XKR4: variants seen among roughly 807,000 people sequenced by gnomAD.
XKR4 encodes the protein XK-related protein 4.
A neutral mutation model predicts 53.9 loss-of-function variants in XKR4; 12 were observed. The ratio of observed to expected loss-of-function variants is 0.22; its 90% CI spans 0.14 to 0.36. The LOEUF is 0.36. Ranked by LOEUF, XKR4 falls within the 10% of genes least tolerant of loss-of-function variation. The pLI, the probability that XKR4 is intolerant of heterozygous loss-of-function variation, is 1.00. For missense variants in XKR4, 799 were observed against 859.5 expected (o/e 0.93, Z 0.88); for synonymous variants, 354 against 362.4 (o/e 0.98, Z 0.26).
chr8:55,303,129 G>T (rs997280168), intron 1 of XKR4, among the ~76,000 whole-genome samples: 8 of 152,158 alleles, frequency 5.3e-5, no homozygotes, highest in African/African-American at 1.9e-4. Context: ...TATTGGCTGT[G>T]GGTTTGTCAT....
intron 2 of XKR4, among the ~76,000 whole-genome samples, chr8:55,369,397 G>T (rs188743738): frequency 1.6e-5 from 1 of 60,922 alleles, no homozygotes; most frequent in Non-Finnish European, 3.3e-5. Context: ...GAGGGGAGGG[G>T]AGGGGAGGGA....
chr8:55,482,157 C>G (rs1488922575), intron 2 of XKR4, among the ~76,000 whole-genome samples: 2 of 152,164 alleles, frequency 1.3e-5, no homozygotes, highest in South Asian at 4.2e-4. Context: ...AAATGTCCAA[C>G]AATGATAGAC....
At chr8:55,334,132 G>A (rs1803419594) in intron 1 of XKR4, among the ~76,000 whole-genome samples, 1 of 152,148 alleles carries the variant, frequency 6.6e-6, no homozygotes, top group Non-Finnish European at 1.5e-5. Flanking sequence ...ACAAACCTAA[G>A]TTATAAACAT....
intron 1 of XKR4, among the ~76,000 whole-genome samples, chr8:55,127,955 C>A (rs1417927560): frequency 6.6e-6 from 1 of 152,002 alleles, no homozygotes; most frequent in African/African-American, 2.4e-5. Flanking sequence ...GTATATGTGC[C>A]ACATTTTCTT....
intron 2 of XKR4, among the ~76,000 whole-genome samples, chr8:55,468,013 T>C (rs1235214089): frequency 2.6e-5 from 4 of 152,156 alleles, no homozygotes; most frequent in Non-Finnish European, 5.9e-5. Flanking sequence ...GGTTTCTTTT[T>C]TATGCTTTAA....
chr8:55,479,074 C>T (rs1179938442), intron 2 of XKR4, among the ~76,000 whole-genome samples: 7 of 152,198 alleles, frequency 4.6e-5, no homozygotes, highest in South Asian at 2.1e-4. Context: ...CAGAACTCTC[C>T]ACCCCAAATC....
intron 1 of XKR4, among the ~76,000 whole-genome samples, chr8:55,204,666 A>G (rs909531230): frequency 1.3e-5 from 2 of 152,256 alleles, no homozygotes; most frequent in African/African-American, 4.8e-5. Context: ...TACAGAGAGT[A>G]GAGAAAGATT....
chr8:55,164,138 C>A (rs1181309030), intron 1 of XKR4: 1 of 455,270 alleles, frequency 2.2e-6, no homozygotes, highest in African/African-American at 2.0e-5. Context: ...CAGACCAGCC[C>A]TACAGGAGTT....
At chr8:55,158,061 A>T (rs1291894203) in intron 1 of XKR4, among the ~76,000 whole-genome samples, 3 of 152,132 alleles carry the variant, frequency 2.0e-5, no homozygotes, top group Admixed American at 6.5e-5. Context: ...TTGAATGGTA[A>T]TTCTGTTTTA....
intron 1 of XKR4, among the ~76,000 whole-genome samples, chr8:55,327,442 A>C (rs144385116): frequency 1.3e-5 from 2 of 152,120 alleles, no homozygotes; most frequent in Admixed American, 1.3e-4. Flanking sequence ...CATAAAGTAC[A>C]CAAACTACTC....
At chr8:55,452,708 G>A (rs1805473070) in intron 2 of XKR4, 1 of 1,152,866 alleles carries the variant, frequency 8.7e-7, no homozygotes, top group Non-Finnish European at 1.3e-6. Context: ...TGATGAAGTG[G>A]ACCACAGCCC....
intron 1 of XKR4, among the ~76,000 whole-genome samples, chr8:55,185,384 C>G (rs1160854536): frequency 6.6e-6 from 1 of 152,178 alleles, no homozygotes; most frequent in African/African-American, 2.4e-5. Context: ...CTTCTTTACA[C>G]TACTGATGTG....
chr8:55,328,381 A>G (rs747852810), intron 1 of XKR4, among the ~76,000 whole-genome samples: 75 of 152,198 alleles, frequency 4.9e-4, no homozygotes, highest in Non-Finnish European at 8.8e-5. Flanking sequence ...CAGTGTCCCA[A>G]ACATGAGATA....
intron 2 of XKR4, among the ~76,000 whole-genome samples, chr8:55,432,855 G>A (rs914078560): frequency 1.6e-4 from 25 of 151,964 alleles, no homozygotes; most frequent in African/African-American, 5.6e-4. Context: ...GGAAAGGAAA[G>A]GAAGATCATG....
intron 1 of XKR4, among the ~76,000 whole-genome samples, chr8:55,168,716 CT>C (rs1817105615): frequency 6.6e-6 from 1 of 152,196 alleles, no homozygotes; most frequent in Middle Eastern, 3.2e-3. Flanking sequence ...CATCCTTATA[CT>C]TTTAGAGATG....
chr8:55,337,318 G>A lies in XKR4; in HGVS notation c.807-20360G>A, dbSNP rs191986939. 3.9e-5 allele frequency among the ~76,000 whole-genome samples: 6 copies of A among 152,240 alleles called. No individual in the cohort carries two copies. In the East Asian group the frequency reaches 1.2e-3, roughly 29 times the overall value. On this transcript the variant is annotated intron_variant, in intron 1 of 2. Coordinates refer to ENST00000327381, the MANE Select transcript of XKR4 (RefSeq NM_052898.2). ...AGAGTGCCCCATTAATCAAGTCATG[G>A]GGTTTTGTTTGTTTGTTTTGCTCAC...
intron 1 of XKR4, among the ~76,000 whole-genome samples, chr8:55,252,174 A>G (rs939196280): frequency 6.6e-6 from 1 of 152,236 alleles, no homozygotes; most frequent in Admixed American, 6.5e-5. Context: ...GTGTGTCCCA[A>G]TGGTTTAAGA....
At chr8:55,104,841 T>G (rs1450267026) in intron 1 of XKR4, among the ~76,000 whole-genome samples, 1 of 152,226 alleles carries the variant, frequency 6.6e-6, no homozygotes, top group African/African-American at 2.4e-5. Context: ...GGAAGACTTA[T>G]AGCTTGATGC....
Position 55,534,333 on chromosome 8 carries a change from T to A in XKR4, c.*10106T>A, listed in dbSNP as rs2129406996. On this transcript the variant is annotated 3_prime_UTR_variant, in exon 3 of 3. Coordinates refer to ENST00000327381, the MANE Select transcript of XKR4 (RefSeq NM_052898.2). The stretch of plus-strand genomic sequence containing the variant: ...TTCTCAGGCCCTGCAAAACCTTGGT[T>A]ACGAGCTCAAAGATCACGAATCTGA... The A allele has an allele frequency of 6.8e-6, 1 of 147,794 alleles. No individual in the cohort carries two copies. The highest frequency in any genetic ancestry group is 2.1e-4 in the East Asian group (1 of 4,876). The allele number at this position is 147,794 out of a possible 1,614,324, so 9.2% of individuals were successfully genotyped here.
Sources: gnomAD v4.1 joint callset for allele counts (sites outside exome capture counted in the v4.1 genomes callset) on GRCh38, gnomAD v4.1.1 for gene constraint, MANE v1.5 for transcripts, NCBI Gene and HGNC (gene_info 2026-07-23, HGNC 2026-07-21) for gene names.